Variants in LDB3 observed in about 807,000 individuals in gnomAD.
LDB3 encodes LIM domain-binding protein 3.
In LDB3, 49 loss-of-function variants were observed where a neutral mutation model predicts 69.0. The observed-to-expected ratio is 0.71, with a 90% CI of 0.56 to 0.90. LDB3 has a LOEUF of 0.90. LDB3 is among the 40% of genes least tolerant of loss of function. The pLI, the probability that LDB3 is intolerant of heterozygous loss-of-function variation, is 0.00. For synonymous variants in LDB3, 387 were observed against 396.2 expected (o/e 0.98, Z 0.28); for missense variants, 928 against 974.1 (o/e 0.95, Z 0.63).
chr10:86,672,067 G>A (rs966638857), intron 2 of LDB3, among the ~76,000 whole-genome samples: 2 of 148,320 alleles, frequency 1.3e-5, no homozygotes, highest in Non-Finnish European at 1.5e-5. Context: ...AGCTGAGATC[G>A]CACCACTGCA....
chr10:86,687,590 G>A (rs924832474), intron 5 of LDB3, among the ~76,000 whole-genome samples: 8 of 152,236 alleles, frequency 5.3e-5, no homozygotes, highest in Admixed American at 2.0e-4. Context: ...CTCTTAACAA[G>A]GGGACCATTC....
intron 7 of LDB3, among the ~76,000 whole-genome samples, chr10:86,702,175 T>C (rs945825756): frequency 2.0e-5 from 3 of 152,168 alleles, no homozygotes; most frequent in African/African-American, 7.2e-5. Context: ...GAGATTTTCA[T>C]GCTCTACCAT....
intron 12 of LDB3, among the ~76,000 whole-genome samples, chr10:86,725,388 G>T (rs1387213830): frequency 6.6e-6 from 1 of 152,206 alleles, no homozygotes; most frequent in Non-Finnish European, 1.5e-5. Flanking sequence ...ATTTTGTGAT[G>T]ATCAGTTTCA....
intron 12 of LDB3, among the ~76,000 whole-genome samples, chr10:86,725,828 TTTGG>T: frequency 6.6e-6 from 1 of 152,104 alleles, no homozygotes; most frequent in African/African-American, 2.4e-5. Context: ...GCTTGATCCG[TTTGG>T]TCTATTAGAG....
At chr10:86,676,223 G>A (rs1041526124) in intron 2 of LDB3, among the ~76,000 whole-genome samples, 3 of 152,184 alleles carry the variant, frequency 2.0e-5, no homozygotes, top group Non-Finnish European at 4.4e-5. Flanking sequence ...GCAGATTCCA[G>A]GGCAGGGGAA....
At chr10:86,690,782 C>A (rs913985879) in intron 5 of LDB3, among the ~76,000 whole-genome samples, 5 of 152,240 alleles carry the variant, frequency 3.3e-5, no homozygotes, top group African/African-American at 1.2e-4. Context: ...GCAGAAGTAG[C>A]CTTCCTGAGC....
intron 9 of LDB3, 75 bp from the exon 10 acceptor site, chr10:86,716,252 T>G: frequency 6.4e-7 from 1 of 1,551,596 alleles, no homozygotes; most frequent in South Asian, 1.1e-5. Context: ...TGCATTTCTC[T>G]GGCTAGGAGT....
intron 13 of LDB3, among the ~76,000 whole-genome samples, chr10:86,727,685 C>G (rs1244560306): frequency 6.6e-6 from 1 of 152,204 alleles, no homozygotes; most frequent in Non-Finnish European, 1.5e-5. Context: ...CTCCGAGCTA[C>G]TAGCGGTTGC....
intron 5 of LDB3, 30 bp from the exon 6 acceptor site, chr10:86,691,866 C>G (rs750751115): frequency 3.7e-6 from 6 of 1,613,280 alleles, no homozygotes; most frequent in Non-Finnish European, 5.1e-6. Flanking sequence ...CCAGCCTAGC[C>G]CTCGCCCACG....
intron 7 of LDB3, among the ~76,000 whole-genome samples, chr10:86,701,953 C>T (rs146572172): frequency 4.6e-5 from 7 of 152,340 alleles, no homozygotes; most frequent in Non-Finnish European, 1.0e-4. Flanking sequence ...GCCTTTCACA[C>T]TATAGCTGAT....
intron 13 of LDB3, among the ~76,000 whole-genome samples, chr10:86,727,364 CAG>C (rs1847291250): frequency 6.6e-6 from 1 of 151,664 alleles, no homozygotes; most frequent in African/African-American, 2.4e-5. Flanking sequence ...TTTTTTTAAC[CAG>C]AGTGTCTCAA....
At chr10:86,715,996 AC>A (rs1179348515) in intron 9 of LDB3, among the ~76,000 whole-genome samples, 1 of 148,894 alleles carries the variant, frequency 6.7e-6, no homozygotes, top group Non-Finnish European at 1.5e-5. Context: ...CCGCCCAGGT[AC>A]CCCCACCCCC....
At chr10:86,674,059 G>A (rs1407245790) in intron 2 of LDB3, among the ~76,000 whole-genome samples, 1 of 152,136 alleles carries the variant, frequency 6.6e-6, no homozygotes, top group Non-Finnish European at 1.5e-5. Context: ...GTCAGTCAGG[G>A]CTGGCTCCTC....
intron 5 of LDB3, chr10:86,687,318 G>A (rs371594596): frequency 4.4e-5 from 68 of 1,559,202 alleles, no homozygotes; most frequent in African/African-American, 2.0e-4. Flanking sequence ...TCCAGAGCCC[G>A]AGGGGTATGG....
intron 4 of LDB3, among the ~76,000 whole-genome samples, chr10:86,680,707 A>G (rs1354525216): frequency 6.6e-6 from 1 of 152,156 alleles, no homozygotes; most frequent in East Asian, 1.9e-4. Context: ...AAGGGAGGCC[A>G]AGCCCTGGCT....
rs779320654 is a variant in LDB3 at position 86,680,069 on chromosome 10, C to T, written c.246-13C>T. The T allele has an allele frequency of 1.2e-6, 2 of 1,613,418 alleles. No homozygotes were observed. Among genetic ancestry groups the T allele is most frequent in the South Asian group, 1.1e-5 (1 of 91,076 alleles). The stretch of plus-strand genomic sequence containing the variant: ...GCAACTTCCTCACCTGGTCTCATTT[C>T]TGGTTTCTACAGATCAAAGCGTCCC... On this transcript the variant is annotated splice_polypyrimidine_tract_variant and intron_variant, in intron 3 of 13. Transcript: ENST00000361373.
At chr10:86,692,452 G>T in intron 6 of LDB3, 83 bp from the exon 7 acceptor site, 1 of 1,375,930 alleles carries the variant, frequency 7.3e-7, no homozygotes, top group South Asian at 1.2e-5. Flanking sequence ...CTGAATCCTG[G>T]GGACTCAGTG....
intron 5 of LDB3, chr10:86,685,555 CA>C: frequency 1.1e-6 from 1 of 897,416 alleles, no homozygotes; most frequent in Non-Finnish European, 1.9e-6. Flanking sequence ...TCTCCTCACC[CA>C]TTGCGGTTTG....
At chr10:86,693,508 G>A (rs1185709948) in intron 7 of LDB3, among the ~76,000 whole-genome samples, 1 of 152,228 alleles carries the variant, frequency 6.6e-6, no homozygotes. Flanking sequence ...TGCAGAGTAG[G>A]ACTCTGGAGC....
Sources: allele counts gnomAD v4.1 joint callset (sites outside exome capture counted in the v4.1 genomes callset), GRCh38; gene constraint gnomAD v4.1.1; transcripts MANE v1.5; gene names NCBI Gene and HGNC (gene_info 2026-07-23, HGNC 2026-07-21).